The following ZNF611 variants were observed in gnomAD, a reference collection of about 807,000 sequenced individuals.
ZNF611 encodes zinc finger protein 611.
ZNF611 carries 6 observed loss-of-function variants against 8.9 expected under a neutral mutation model. The ratio of observed to expected loss-of-function variants is 0.68; its 90% confidence interval spans 0.37 to 1.34. The LOEUF is 1.34. Among genes scored for constraint, ZNF611 ranks in the 40% most tolerant of loss-of-function variants. ZNF611 has a pLI of 0.02. For synonymous variants in ZNF611, 262 were observed against 279.7 expected (o/e 0.94, Z 0.63); for missense variants, 874 against 841.3 (o/e 1.04, Z -0.48).
intron 3 of ZNF611, among the ~76,000 whole-genome samples, chr19:52,719,285 C>T (rs1303380735): frequency 1.1e-4 from 16 of 152,100 alleles, no homozygotes; most frequent in South Asian, 4.2e-4. Context: ...ACTTTTAATA[C>T]TCCTTTCATC....
In ZNF611 at chr19:52,715,876, C is replaced by G; in HGVS notation, c.19G>C (p.Ala7Pro). 1 of 1,613,476 alleles carries G rather than the reference C, an allele frequency of 6.2e-7. No individual in the cohort carries two copies. Among genetic ancestry groups the G allele is most frequent in the African/African-American group, 1.3e-5 (1 of 75,044 alleles). Residue 7 changes from alanine to proline, a missense_variant, in exon 4 of 6, where the codon GCT (alanine) becomes CCT (proline). Transcript: ENST00000652185. ...GGCTCCTTTCCTTTCCTCTTCTGAGCTGCTTCCTCACGTAACATGAGTCTT... is the reference window on the plus strand; with the variant it reads ...GGCTCCTTTCCTTTCCTCTTCTGAGGTGCTTCCTCACGTAACATGAGTCTT... MLREEA[A>P]QKRKGKEPGM... is the part of the protein sequence containing the mutation.
chr19:52,724,345 C>T (rs927131142), intron 3 of ZNF611: 1 of 152,372 alleles, frequency 6.6e-6, no homozygotes, highest in African/African-American at 2.4e-5. Context: ...TAACAAAGCA[C>T]AGCCTGCACA....
At chr19:52,714,280 TA>T in intron 4 of ZNF611, 139 bp from the exon 5 acceptor site, 1 of 1,474,310 alleles carries the variant, frequency 6.8e-7, no homozygotes, top group Non-Finnish European at 9.0e-7. Flanking sequence ...TATTTTTGAA[TA>T]TTTTTTCCCT....
chr19:52,713,283 T>C (rs578084546), intron 5 of ZNF611, among the ~76,000 whole-genome samples: 3 of 152,254 alleles, frequency 2.0e-5, no homozygotes, highest in East Asian at 3.9e-4. Flanking sequence ...AACTAAACAA[T>C]GGAAACCTCA....
In ZNF611 at chr19:52,704,648, T is replaced by C; in HGVS notation, c.*289A>G. Reference sequence around the variant, plus strand: ...TGGATTCTCCAATGATTTGTAATCGTTGTAGCATTACTGAAGACTTTGTGA... The same window carrying C: ...TGGATTCTCCAATGATTTGTAATCGCTGTAGCATTACTGAAGACTTTGTGA... On this transcript the variant is annotated 3_prime_UTR_variant, in exon 6 of 6. Coordinates refer to ENST00000652185, the MANE Select transcript of ZNF611 (RefSeq NM_001161499.2). 3 of 1,589,430 alleles carry C rather than the reference T, an allele frequency of 1.9e-6. No homozygotes were observed. Among genetic ancestry groups the C allele is most frequent in the Non-Finnish European group, 2.6e-6 (3 of 1,158,482 alleles).
chr19:52,724,923 T>G (rs1253315640), intron 3 of ZNF611, among the ~76,000 whole-genome samples: 1 of 152,200 alleles, frequency 6.6e-6, no homozygotes, highest in East Asian at 1.9e-4. Context: ...TGCTTTCTTA[T>G]TTTTTCTTTC....
intron 5 of ZNF611, among the ~76,000 whole-genome samples, chr19:52,710,344 C>T (rs1312731169): frequency 1.3e-5 from 2 of 151,190 alleles, no homozygotes; most frequent in African/African-American, 4.9e-5. Context: ...ATTCTCATGT[C>T]TCAGCCTCAC....
At chr19:52,730,391 CAA>C (rs1159350274) in intron 1 of ZNF611, among the ~76,000 whole-genome samples, 1 of 73,530 alleles carries the variant, frequency 1.4e-5, no homozygotes, top group African/African-American at 5.0e-5. Flanking sequence ...GACTCCGTCT[CAA>C]AAAAAAAAAA....
chr19:52,704,314 G>A lies in ZNF611; in HGVS notation c.*623C>T. 1.7e-6 allele frequency: 1 copy of A among 581,478 alleles called. No homozygotes were observed. Among genetic ancestry groups the A allele is most frequent in the Non-Finnish European group, 3.4e-6 (1 of 294,426 alleles). The allele number at this position is 581,478 out of a possible 1,614,324, so 36.0% of individuals were successfully genotyped here. A position where few individuals can be genotyped will look rare whatever the true frequency, so the allele number is the denominator to read the frequency against. ...AATTTTCTGATGTTCTGCATGGAGT[G>A]ATCTTGGACTGAAGACCTTGCCACA... On this transcript the variant is annotated 3_prime_UTR_variant, in exon 6 of 6. Transcript: ENST00000652185.
intron 5 of ZNF611, among the ~76,000 whole-genome samples, chr19:52,711,599 A>ACAAG (rs112458444): frequency 1.3e-4 from 20 of 151,876 alleles, no homozygotes; most frequent in African/African-American, 4.9e-4. Context: ...CAAGGGGGAT[A>ACAAG]CAAGGACTGA....
Position 52,705,547 on chromosome 19 carries a change from A to AT in ZNF611, c.1507dup (p.Ile503AsnfsTer11). On this transcript the variant is annotated frameshift_variant, in exon 6 of 6. Transcript: ENST00000652185. LOFTEE classifies it low-confidence loss of function (END_TRUNC). ...TTTGTAAGGTTGCTCCCCAGTATGA[A>AT]TTGACTTATGAATTAAAAGATCTGA... is the stretch of plus-strand genomic sequence containing the variant. 6.2e-7 allele frequency: 1 copy of AT among 1,614,080 alleles called. No individual in the cohort carries two copies. Among genetic ancestry groups the AT allele is most frequent in the Non-Finnish European group, 8.5e-7 (1 of 1,180,020 alleles).
chr19:52,734,624 T>C (rs992992858), intron 1 of ZNF611, among the ~76,000 whole-genome samples: 7 of 150,092 alleles, frequency 4.7e-5, no homozygotes, highest in African/African-American at 1.7e-4. Context: ...TCCCCGGGAC[T>C]GGGGCTGCGG....
chr19:52,729,387 GGAGACT>G, intron 2 of ZNF611, among the ~76,000 whole-genome samples: 1 of 149,880 alleles, frequency 6.7e-6, no homozygotes, highest in South Asian at 2.1e-4. Flanking sequence ...CAGCTACTCA[GGAGACT>G]GAGGCACAAG....
chr19:52,716,041 C>T, intron 3 of ZNF611, 128 bp from the exon 4 acceptor site: 1 of 1,053,622 alleles, frequency 9.5e-7, no homozygotes, highest in South Asian at 1.5e-5. Flanking sequence ...CACCAGAGAT[C>T]ATGCAGAGAT....
In ZNF611 at chr19:52,706,476, G is replaced by A; in HGVS notation, c.579C>T (p.Phe193=). The A allele has an allele frequency of 6.2e-7, 1 of 1,614,136 alleles. No individual in the cohort carries two copies. The highest frequency in any genetic ancestry group is 8.5e-7 in the Non-Finnish European group (1 of 1,180,022). ...STNDAPSVST[F]QRISCRPQTQ... ...TTTGGGGCCTACAGGAAATTCTTTG[G>A]AATGTTGAAACTGAGGGAGCATCAT... Residue 193 remains phenylalanine (F), a synonymous_variant, in exon 6 of 6, where the codon TTC becomes TTT. Transcript: ENST00000652185.
intron 1 of ZNF611, among the ~76,000 whole-genome samples, chr19:52,734,423 G>A (rs1008746141): frequency 1.3e-5 from 2 of 151,990 alleles, no homozygotes; most frequent in Admixed American, 1.3e-4. Flanking sequence ...AGAATACCCC[G>A]TGCCGCAGGA....
intron 3 of ZNF611, among the ~76,000 whole-genome samples, chr19:52,720,472 C>T (rs1471534151): frequency 3.4e-5 from 4 of 119,294 alleles, no homozygotes. Context: ...CCTCACCTCC[C>T]AGATGGGGCG....
rs776526416 is a variant in ZNF611, at chr19:52,704,825, TC to T, written c.*111del. ...GTATGTTGTTCCAGGTGTGAATCACTCCCAAGTCTTGTCAGAAACCTTACAT... is the reference window on the plus strand; with the variant it reads ...GTATGTTGTTCCAGGTGTGAATCACTCCAAGTCTTGTCAGAAACCTTACAT... On this transcript the variant is annotated 3_prime_UTR_variant, in exon 6 of 6. Transcript: ENST00000652185. The T allele has an allele frequency of 9.4e-6, 15 of 1,602,910 alleles. No individual in the cohort carries two copies. Among genetic ancestry groups the T allele is most frequent in the Non-Finnish European group, 1.3e-5 (15 of 1,171,184 alleles).
chr19:52,714,004 A>G lies in ZNF611; in HGVS notation c.190+11T>C, dbSNP rs573138924. 3 of 1,613,980 alleles carry G rather than the reference A, an allele frequency of 1.9e-6. No individual in the cohort carries two copies. In the East Asian group the frequency reaches 6.7e-5, roughly 36 times the overall value. On this transcript the variant is annotated intron_variant, in intron 5 of 5. Coordinates refer to ENST00000652185, the MANE Select transcript of ZNF611 (RefSeq NM_001161499.2). ...GCAGACTCCTCATGTCTGCAGGGAC[A>G]TTTTCCTCACCCACAGCCTCCAGGT...
Sources: allele counts gnomAD v4.1 joint callset (sites outside exome capture counted in the v4.1 genomes callset), GRCh38; gene constraint gnomAD v4.1.1; transcripts MANE v1.5; gene names NCBI Gene and HGNC (gene_info 2026-07-23, HGNC 2026-07-21).